The following FOXP1 variants were observed in gnomAD, a reference collection of about 807,000 sequenced individuals.
The protein encoded by FOXP1 is forkhead box P1.
FOXP1 carries 15 observed loss-of-function variants against 98.2 expected under a neutral mutation model. The ratio of observed to expected loss-of-function variants is 0.15; its 90% CI spans 0.10 to 0.24. The LOEUF (loss-of-function observed/expected upper bound fraction) is 0.24. FOXP1 is among the 10% of genes least tolerant of loss of function. FOXP1 has a pLI of 1.00. For missense variants in FOXP1, 633 were observed against 848.5 expected, an observed-to-expected ratio of 0.75 and a Z score of 3.15; for synonymous variants, 371 against 314.5, an observed-to-expected ratio of 1.18 and a Z score of -1.90.
intron 6 of FOXP1, among the ~76,000 whole-genome samples, chr3:71,189,050 A>G (rs967888612): frequency 3.9e-5 from 6 of 152,338 alleles, no homozygotes; most frequent in African/African-American, 1.4e-4. Context: ...CTCTCTGGGC[A>G]TGGCTAAATT....
At chr3:71,217,906 A>G (rs1368545540) in intron 5 of FOXP1, among the ~76,000 whole-genome samples, 1 of 152,186 alleles carries the variant, frequency 6.6e-6, no homozygotes, top group Non-Finnish European at 1.5e-5. Context: ...CGCCAATCAT[A>G]AAATCATCTT....
chr3:71,549,128 G>A (rs750569145), intron 2 of FOXP1, among the ~76,000 whole-genome samples: 4 of 152,082 alleles, frequency 2.6e-5, no homozygotes, highest in Admixed American at 2.6e-4. Flanking sequence ...GGGTTTTCAA[G>A]GTTAATATTA....
intron 12 of FOXP1, among the ~76,000 whole-genome samples, chr3:71,015,067 A>G (rs935373275): frequency 6.6e-5 from 10 of 152,170 alleles, no homozygotes; most frequent in South Asian, 2.1e-4. Flanking sequence ...CAGCACACCA[A>G]CATGGCACAT....
chr3:71,549,729 G>A lies in FOXP1; in HGVS notation c.-298+31820C>T, dbSNP rs192382330. ...CTCAAATATTTCAGTTCACAGGTTA[G>A]ATATAATGGGAACAAAACTGTCTCA... On this transcript the variant is annotated intron_variant, in intron 2 of 20. Transcript: ENST00000649528. 1.9e-3 allele frequency among the ~76,000 whole-genome samples: 288 copies of A among 152,162 alleles called. 1 individual carries two copies. The highest frequency in any genetic ancestry group is 1.7e-3 in the Non-Finnish European group (117 of 68,004).
At chr3:71,374,444 T>C (rs965719585) in intron 3 of FOXP1, among the ~76,000 whole-genome samples, 1 of 152,078 alleles carries the variant, frequency 6.6e-6, no homozygotes, top group Admixed American at 6.6e-5. Flanking sequence ...AATACAAAAA[T>C]TAGCTGGGTA....
At chr3:71,257,589 A>C (rs2107141358) in intron 5 of FOXP1, among the ~76,000 whole-genome samples, 1 of 151,692 alleles carries the variant, frequency 6.6e-6, no homozygotes, top group South Asian at 2.1e-4. Context: ...CCATCTCAAA[A>C]AAAAAAAAAA....
intron 3 of FOXP1, among the ~76,000 whole-genome samples, chr3:71,475,415 A>G (rs2089742829): frequency 1.3e-5 from 2 of 152,316 alleles, no homozygotes; most frequent in Admixed American, 1.3e-4. Context: ...GGAAAGGGAG[A>G]GGGTGGTAAA....
intron 3 of FOXP1, among the ~76,000 whole-genome samples, chr3:71,429,736 T>C (rs928871501): frequency 6.6e-6 from 1 of 152,198 alleles, no homozygotes; most frequent in Non-Finnish European, 1.5e-5. Context: ...AATAAGACTT[T>C]CCGAGGAACT....
chr3:71,244,079 C>A, intron 5 of FOXP1, among the ~76,000 whole-genome samples: 1 of 152,242 alleles, frequency 6.6e-6, no homozygotes, highest in South Asian at 2.1e-4. Flanking sequence ...TTTTGATAAA[C>A]TCAATACAGT....
chr3:71,557,738 GCCA>G (rs2046243612), intron 2 of FOXP1, among the ~76,000 whole-genome samples: 1 of 152,244 alleles, frequency 6.6e-6, no homozygotes, highest in Non-Finnish European at 1.5e-5. Context: ...TACCTTACAT[GCCA>G]CATTAGGAGA....
intron 7 of FOXP1, among the ~76,000 whole-genome samples, chr3:71,089,313 G>A (rs570148002): frequency 1.3e-5 from 2 of 152,266 alleles, no homozygotes; most frequent in East Asian, 3.9e-4. Context: ...GAGGTCCACA[G>A]CCTGAGAACT....
At chr3:71,119,043 C>G (rs372759029) in intron 6 of FOXP1, among the ~76,000 whole-genome samples, 1 of 152,192 alleles carries the variant, frequency 6.6e-6, no homozygotes, top group Non-Finnish European at 1.5e-5. Context: ...CCTATATAAA[C>G]ACATCTTCCA....
At chr3:71,131,422 A>T (rs998832207) in intron 6 of FOXP1, among the ~76,000 whole-genome samples, 6 of 148,746 alleles carry the variant, frequency 4.0e-5, no homozygotes, top group African/African-American at 1.5e-4. Context: ...AAAAAAAAAA[A>T]GGAGGAAGAA....
chr3:71,521,764 G>A (rs906408305), intron 2 of FOXP1, among the ~76,000 whole-genome samples: 4 of 152,136 alleles, frequency 2.6e-5, no homozygotes, highest in African/African-American at 9.7e-5. Flanking sequence ...AGGAGATCTG[G>A]CCACATGAAA....
At chr3:71,000,326 C>T (rs759865069) in intron 13 of FOXP1, among the ~76,000 whole-genome samples, 1 of 150,882 alleles carries the variant, frequency 6.6e-6, no homozygotes, top group African/African-American at 2.4e-5. Flanking sequence ...TATATACACT[C>T]TACATTAATA....
chr3:70,958,196 C>CA lies in FOXP1; in HGVS notation c.*1050dup, dbSNP rs747818299. 0.051 allele frequency: 15,700 copies of CA among 307,298 alleles called. 20 individuals are homozygous for CA. The highest frequency in any genetic ancestry group is 0.067 in the South Asian group (2,139 of 31,910). 19.0% of individuals were successfully genotyped at this position (307,298 alleles called of 1,614,324 possible). ...TGGTGGCATTTATTAATGGTTGCTGCAAAAAAAAAAAAAGAAAAGAAAAGA... is the reference window on the plus strand; with the variant it reads ...TGGTGGCATTTATTAATGGTTGCTGCAAAAAAAAAAAAAAGAAAAGAAAAGA... On this transcript the variant is annotated 3_prime_UTR_variant, in exon 21 of 21. Transcript: ENST00000649528.
At chr3:71,334,816 G>A (rs2076571178) in intron 4 of FOXP1, 1 of 152,160 alleles carries the variant, frequency 6.6e-6, no homozygotes. Flanking sequence ...TAGACAAAAT[G>A]ACTACAGACA....
intron 5 of FOXP1, among the ~76,000 whole-genome samples, chr3:71,269,730 A>C (rs1310411531): frequency 6.6e-6 from 1 of 152,216 alleles, no homozygotes; most frequent in Admixed American, 6.5e-5. Context: ...TTCTGCTTTA[A>C]AGCACTTGAT....
chr3:71,539,314 G>A (rs1350836282), intron 2 of FOXP1, among the ~76,000 whole-genome samples: 3 of 146,320 alleles, frequency 2.1e-5, no homozygotes, highest in African/African-American at 5.1e-5. Flanking sequence ...GTAGAGATGG[G>A]GTTTCACCGT....
Sources: allele counts gnomAD v4.1 joint callset (sites outside exome capture counted in the v4.1 genomes callset), GRCh38; gene constraint gnomAD v4.1.1; transcripts MANE v1.5; gene names NCBI Gene and HGNC (gene_info 2026-07-23, HGNC 2026-07-21).